The following DNAH3 variants were observed in gnomAD, a reference collection of about 807,000 sequenced individuals.
The protein encoded by DNAH3 is axonemal beta dynein heavy chain 3.
In DNAH3, 332 loss-of-function variants were observed where a neutral mutation model predicts 432.5. The observed-to-expected ratio is 0.77, with a 90% CI of 0.70 to 0.84. The LOEUF is 0.84. DNAH3 is among the 40% of genes least tolerant of loss of function. The probability of loss-of-function intolerance (pLI) is 0.00; values close to 1 mark genes in which losing one functional copy is unlikely to be tolerated. For missense variants in DNAH3, 4,861 were observed against 5,114.0 expected (o/e 0.95, Z 1.51); for synonymous variants, 1,956 against 1,900.2 (o/e 1.03, Z -0.76).
intron 38 of DNAH3, 112 bp downstream of exon 38, chr16:21,026,915 G>T: frequency 1.4e-6 from 1 of 697,662 alleles, no homozygotes; most frequent in East Asian, 2.7e-5. Flanking sequence ...TAATAATAAT[G>T]TAGATGATCT....
chr16:21,118,314 T>C (rs1597413620), intron 11 of DNAH3, among the ~76,000 whole-genome samples: 1 of 152,306 alleles, frequency 6.6e-6, no homozygotes, highest in East Asian at 1.9e-4. Context: ...TTTTCTCATC[T>C]GTAAAAAAGA....
intron 19 of DNAH3, among the ~76,000 whole-genome samples, chr16:21,084,746 T>C (rs2091307050): frequency 6.6e-6 from 1 of 152,098 alleles, no homozygotes; most frequent in Admixed American, 6.6e-5. Context: ...GTGCTGAGAT[T>C]AGTGGTGTGA....
chr16:20,933,901 C>T (rs2083497483), intron 61 of DNAH3, among the ~76,000 whole-genome samples: 1 of 152,156 alleles, frequency 6.6e-6, no homozygotes, highest in African/African-American at 2.4e-5. Context: ...GAGAATAAAG[C>T]CTTGATTTCT....
At chr16:20,945,078 G>A (rs1420862628) in intron 57 of DNAH3, among the ~76,000 whole-genome samples, 1 of 152,144 alleles carries the variant, frequency 6.6e-6, no homozygotes, top group Admixed American at 6.5e-5. Flanking sequence ...GGCATTCTAA[G>A]TCACAGGATG....
At chr16:21,000,201 C>A (rs1296512671) in intron 43 of DNAH3, 23 bp downstream of exon 43, 10 of 1,604,222 alleles carry the variant, frequency 6.2e-6, no homozygotes, top group Non-Finnish European at 8.5e-6. Context: ...CTGGTTGTGT[C>A]CAGACCCAGC....
At chr16:20,942,025 G>A (rs868545776) in intron 58 of DNAH3, among the ~76,000 whole-genome samples, 17 of 150,932 alleles carry the variant, frequency 1.1e-4, no homozygotes, top group South Asian at 2.1e-4. Context: ...AGATCTGGCC[G>A]CTGCACTCCA....
intron 31 of DNAH3, among the ~76,000 whole-genome samples, chr16:21,045,342 C>A (rs971486043): frequency 2.4e-4 from 37 of 151,150 alleles, no homozygotes; most frequent in African/African-American, 8.7e-4. Context: ...ATTATTGCCA[C>A]AATTTCAGCT....
intron 44 of DNAH3, among the ~76,000 whole-genome samples, chr16:20,993,771 C>A (rs1434545955): frequency 6.6e-6 from 1 of 151,988 alleles, no homozygotes; most frequent in Non-Finnish European, 1.5e-5. Context: ...GCAGCCTTGA[C>A]CTCCCTGCCT....
Position 20,985,697 on chromosome 16 carries a change from G to GTGACAAGTGGA in DNAH3, c.7034_7044dup (p.Pro2349SerfsTer9). The GTGACAAGTGGA allele has an allele frequency of 6.2e-7, 1 of 1,613,546 alleles. No individual in the cohort carries two copies. Among genetic ancestry groups the GTGACAAGTGGA allele is most frequent in the Non-Finnish European group, 8.5e-7 (1 of 1,179,562 alleles). ...TTATCATCGACTATCTTTCCAGTGG[G>GTGACAAGTGGA]TGACAAGTGGATAAGCACCTGTAAG... On this transcript the variant is annotated frameshift_variant, in exon 48 of 62. Transcript: ENST00000261383. LOFTEE classifies it high-confidence loss of function.
At chr16:21,131,525 G>A (rs1313504387) in intron 7 of DNAH3, among the ~76,000 whole-genome samples, 3 of 150,496 alleles carry the variant, frequency 2.0e-5, no homozygotes, top group Non-Finnish European at 4.4e-5. Flanking sequence ...AGGAAGGAAG[G>A]AAGGAAAGAA....
chr16:21,139,463 G>C (rs923217792), intron 5 of DNAH3, among the ~76,000 whole-genome samples: 2 of 150,484 alleles, frequency 1.3e-5, no homozygotes, highest in African/African-American at 4.9e-5. Context: ...GTCCTAGAAA[G>C]GGTTGTGAAT....
chr16:20,950,169 T>G (rs184296279), intron 56 of DNAH3, among the ~76,000 whole-genome samples: 1 of 152,202 alleles, frequency 6.6e-6, no homozygotes, highest in Non-Finnish European at 1.5e-5. Flanking sequence ...TCTTTGGAGA[T>G]GTTCTTTCAC....
At chr16:21,114,087 T>C (rs1192610153) in intron 12 of DNAH3, among the ~76,000 whole-genome samples, 1 of 152,194 alleles carries the variant, frequency 6.6e-6, no homozygotes, top group Non-Finnish European at 1.5e-5. Flanking sequence ...AACAATATAA[T>C]GTAAAAATAA....
At chr16:21,115,464 T>C (rs2092168886) in intron 12 of DNAH3, among the ~76,000 whole-genome samples, 1 of 151,360 alleles carries the variant, frequency 6.6e-6, no homozygotes, top group Admixed American at 6.6e-5. Flanking sequence ...CCCAGCACTT[T>C]GGGAGGCCGA....
intron 27 of DNAH3, among the ~76,000 whole-genome samples, chr16:21,057,207 G>A (rs540522137): frequency 2.0e-5 from 3 of 152,196 alleles, no homozygotes; most frequent in Middle Eastern, 3.4e-3. Context: ...CCAGGAGTTC[G>A]AGACCACCCT....
intron 21 of DNAH3, among the ~76,000 whole-genome samples, chr16:21,073,023 G>A (rs1314195406): frequency 6.6e-6 from 1 of 152,008 alleles, no homozygotes; most frequent in Non-Finnish European, 1.5e-5. Context: ...TCTAAGGTGT[G>A]CCTTAAAGGC....
intron 41 of DNAH3, among the ~76,000 whole-genome samples, chr16:21,005,156 CT>C (rs61185156): frequency 1.0e-4 from 15 of 144,602 alleles, no homozygotes; most frequent in South Asian, 8.6e-4. Flanking sequence ...TCGTCTCTTT[CT>C]TTTCTTTCTT....
At chr16:21,118,717 A>G (rs1010523704) in intron 11 of DNAH3, among the ~76,000 whole-genome samples, 2 of 152,214 alleles carry the variant, frequency 1.3e-5, no homozygotes, top group Non-Finnish European at 2.9e-5. Context: ...CTGTAATTGT[A>G]TATGAACCCT....
chr16:20,979,030 T>C (rs977946949), intron 50 of DNAH3, among the ~76,000 whole-genome samples: 3 of 151,868 alleles, frequency 2.0e-5, no homozygotes, highest in Admixed American at 6.6e-5. Context: ...GCACTCACCT[T>C]GAGGACAAAA....
Sources: allele counts gnomAD v4.1 joint callset (sites outside exome capture counted in the v4.1 genomes callset), GRCh38; gene constraint gnomAD v4.1.1; transcripts MANE v1.5; gene names NCBI Gene and HGNC (gene_info 2026-07-23, HGNC 2026-07-21).